The following NAALADL2 variants were observed in gnomAD, a reference collection of about 807,000 sequenced individuals.
NAALADL2 encodes inactive N-acetylated-alpha-linked acidic dipeptidase-like protein 2.
NAALADL2 carries 76 observed loss-of-function variants against 87.2 expected under a neutral mutation model. The observed-to-expected ratio is 0.87, with a 90% CI of 0.72 to 1.05. NAALADL2 has a LOEUF of 1.05. NAALADL2 is among the 50% of genes least tolerant of loss of function. The probability of loss-of-function intolerance (pLI) is 0.00; values close to 1 mark genes in which losing one functional copy is unlikely to be tolerated. For synonymous variants in NAALADL2, 354 were observed against 331.0 expected (o/e 1.07, Z -0.75); for missense variants, 1,089 against 945.8 (o/e 1.15, Z -1.99).
intron 10 of NAALADL2, among the ~76,000 whole-genome samples, chr3:175,614,237 G>A (rs1274284527): frequency 1.3e-5 from 2 of 152,152 alleles, no homozygotes; most frequent in African/African-American, 4.8e-5. Flanking sequence ...ATTTTTAGTA[G>A]AGACCAGGTT....
chr3:174,522,940 A>G (rs1361481314), intron 1 of NAALADL2, among the ~76,000 whole-genome samples: 3 of 149,352 alleles, frequency 2.0e-5, no homozygotes. Flanking sequence ...TCTCAAAAAA[A>G]AAAAAAAAAA....
At chr3:175,511,207 T>G (rs1731105357) in intron 9 of NAALADL2, among the ~76,000 whole-genome samples, 1 of 152,176 alleles carries the variant, frequency 6.6e-6, no homozygotes, top group African/African-American at 2.4e-5. Context: ...TCTAGTCTCA[T>G]GAAACTCTTG....
intron 8 of NAALADL2, among the ~76,000 whole-genome samples, chr3:175,471,071 G>A (rs1724789836): frequency 6.6e-6 from 1 of 152,018 alleles, no homozygotes; most frequent in African/African-American, 2.4e-5. Flanking sequence ...CTTAAAATTT[G>A]ACTTTTGTCA....
chr3:174,448,815 G>C (rs1715257352), intron 1 of NAALADL2, among the ~76,000 whole-genome samples: 1 of 152,178 alleles, frequency 6.6e-6, no homozygotes, highest in Non-Finnish European at 1.5e-5. Context: ...TGATGAGTGA[G>C]AGGTCTGGTG....
chr3:175,103,686 A>T (rs544103660), intron 2 of NAALADL2, among the ~76,000 whole-genome samples: 9 of 152,330 alleles, frequency 5.9e-5, no homozygotes, highest in East Asian at 5.8e-4. Context: ...AAAAGATACA[A>T]ATAAGTTCAT....
At chr3:174,714,080 T>G (rs1408825912) in intron 2 of NAALADL2, among the ~76,000 whole-genome samples, 1 of 152,206 alleles carries the variant, frequency 6.6e-6, no homozygotes, top group African/African-American at 2.4e-5. Flanking sequence ...TTTCTTGTTT[T>G]TGTCAGGTTT....
At chr3:175,787,265 G>C (rs1752136259) in intron 13 of NAALADL2, among the ~76,000 whole-genome samples, 1 of 152,136 alleles carries the variant, frequency 6.6e-6, no homozygotes, top group African/African-American at 2.4e-5. Context: ...CGGCTGCTTT[G>C]TTTACCTAAT....
intron 2 of NAALADL2, among the ~76,000 whole-genome samples, chr3:175,141,167 A>G (rs987379969): frequency 6.6e-6 from 1 of 152,162 alleles, no homozygotes; most frequent in Non-Finnish European, 1.5e-5. Flanking sequence ...TTGTTAGCTC[A>G]GTCAAAGTCT....
chr3:175,331,967 A>T (rs1441959589), intron 5 of NAALADL2, among the ~76,000 whole-genome samples: 1 of 152,164 alleles, frequency 6.6e-6, no homozygotes, highest in Admixed American at 6.5e-5. Flanking sequence ...AGAAATAAAA[A>T]ACGCAATCCC....
chr3:174,614,052 C>T (rs1198819391), intron 2 of NAALADL2, among the ~76,000 whole-genome samples: 1 of 152,146 alleles, frequency 6.6e-6, no homozygotes, highest in Admixed American at 6.5e-5. Context: ...GAGCTAGTAT[C>T]TAAAATAGGA....
At chr3:175,705,879 G>T (rs1739620841) in intron 11 of NAALADL2, among the ~76,000 whole-genome samples, 1 of 152,072 alleles carries the variant, frequency 6.6e-6, no homozygotes, top group Non-Finnish European at 1.5e-5. Flanking sequence ...TCAAAACAAG[G>T]CCAATCAGTT....
chr3:174,518,508 T>C (rs192182691), intron 1 of NAALADL2, among the ~76,000 whole-genome samples: 36 of 152,318 alleles, frequency 2.4e-4, no homozygotes, highest in Admixed American at 1.4e-3. Context: ...ACATTTGAGA[T>C]AGAGAAATGA....
At chr3:174,765,704 T>TA (rs1303050895) in intron 3 of NAALADL2, among the ~76,000 whole-genome samples, 4 of 152,232 alleles carry the variant, frequency 2.6e-5, no homozygotes, top group African/African-American at 9.6e-5. Flanking sequence ...GCTTTGCAGA[T>TA]AATACAGGTT....
chr3:174,878,826 T>C (rs1728835696), intron 1 of NAALADL2, among the ~76,000 whole-genome samples: 1 of 152,026 alleles, frequency 6.6e-6, no homozygotes, highest in South Asian at 2.1e-4. Context: ...TCCTGTTAAA[T>C]TGAAAAGGGG....
intron 9 of NAALADL2, among the ~76,000 whole-genome samples, chr3:175,510,499 G>A (rs551845485): frequency 6.6e-6 from 1 of 152,240 alleles, no homozygotes; most frequent in East Asian, 1.9e-4. Context: ...CTCCTAAAAA[G>A]AATATTACCA....
intron 3 of NAALADL2, among the ~76,000 whole-genome samples, chr3:174,818,011 A>G (rs538432282): frequency 3.3e-5 from 5 of 151,944 alleles, no homozygotes; most frequent in African/African-American, 4.8e-5. Flanking sequence ...TCAAAATGCA[A>G]CCCGCTGGGC....
intron 13 of NAALADL2, among the ~76,000 whole-genome samples, chr3:175,771,567 T>G (rs1749490509): frequency 1.3e-5 from 2 of 152,136 alleles, no homozygotes; most frequent in Admixed American, 1.3e-4. Flanking sequence ...ATCCGTTCCC[T>G]GTGGCTGTGG....
chr3:175,161,330 A>G (rs368671373), intron 2 of NAALADL2, among the ~76,000 whole-genome samples: 211 of 152,280 alleles, frequency 1.4e-3, no homozygotes, highest in African/African-American at 4.9e-3. Context: ...ACAGAAAAAA[A>G]AAAGATTGAA....
At chr3:175,077,786 G>C (rs7638047) in intron 1 of NAALADL2, among the ~76,000 whole-genome samples, 2,644 of 152,086 alleles carry the variant, frequency 0.017, 81 homozygotes, top group African/African-American at 0.06. Context: ...ATCATTATGG[G>C]TGTGCATGGT....
Sources: gnomAD v4.1 joint callset for allele counts (sites outside exome capture counted in the v4.1 genomes callset) on GRCh38, gnomAD v4.1.1 for gene constraint, MANE v1.5 for transcripts, NCBI Gene and HGNC (gene_info 2026-07-23, HGNC 2026-07-21) for gene names.